TRIM29: variants seen among roughly 807,000 people sequenced by gnomAD.
The protein encoded by TRIM29 is tripartite motif-containing protein 29.
A neutral mutation model predicts 57.3 loss-of-function variants in TRIM29; 52 were observed. That is an observed-to-expected ratio of 0.91 (90% CI 0.73 to 1.14). TRIM29 has a LOEUF of 1.14. TRIM29 is among the 50% of genes most tolerant of loss of function. The pLI is 0.00. For synonymous variants in TRIM29, 319 were observed against 316.9 expected, an observed-to-expected ratio of 1.01 and a Z score of -0.07; for missense variants, 753 against 774.6, an observed-to-expected ratio of 0.97 and a Z score of 0.33.
Position 120,120,637 on chromosome 11 carries a change from C to T in TRIM29, c.1464G>A (p.Ser488=), listed in dbSNP as rs1345739454. ...TCTCCTTGGTGAAGCGGCCAGGAGA[C>T]GAGGGCTGGTATGATGTCCGGACCC... The part of the protein sequence containing the change: ...KGGVRTSYQP[S]SPGRFTKETT... The change falls in exon 6 of 9, where the codon TCG becomes TCA. Residue 488 remains serine (S), a synonymous_variant. Transcript: ENST00000341846. 3.1e-6 allele frequency: 5 copies of T among 1,613,768 alleles called. No homozygotes were observed. Among genetic ancestry groups the T allele is most frequent in the African/African-American group, 1.3e-5 (1 of 74,924 alleles).
intron 4 of TRIM29, chr11:120,125,462 C>T (rs2135010067): frequency 7.3e-6 from 4 of 549,154 alleles, no homozygotes; most frequent in Admixed American, 3.1e-5. Context: ...CCAGGATGTC[C>T]CTGCTCTGGA....
Position 120,137,587 on chromosome 11 carries a change from G to C in TRIM29, c.445C>G (p.Arg149Gly), listed in dbSNP as rs1270148702. The change falls in exon 1 of 9, where the codon CGG (arginine) becomes GGG (glycine). Residue 149 changes from arginine (R) to glycine (G), a missense_variant. Arg to Gly is a moderately radical substitution (Grantham distance 125, BLOSUM62 -2). Coordinates refer to ENST00000341846, the MANE Select transcript of TRIM29 (RefSeq NM_012101.4). The surrounding 1 kb of genome is among the most constrained non-coding windows in gnomAD (Gnocchi z 6.2). ...TVSIMEPGET[R>G]RNSYPRADTG... ...TCGGCCCGGGGGTAGCTGTTCCGCC[G>C]GGTCTCCCCGGGCTCCATGATGGAC... 6.2e-7 allele frequency: 1 copy of C among 1,612,848 alleles called. No homozygotes were observed.
At chr11:120,113,730 C>A (rs1863196801) in intron 8 of TRIM29, 1 of 455,706 alleles carries the variant, frequency 2.2e-6, no homozygotes, top group African/African-American at 2.0e-5. Context: ...AGAGCCTGGA[C>A]CAGGTCTCCT....
At chr11:120,125,920 C>T in intron 3 of TRIM29, 31 bp from the exon 4 acceptor site, 2 of 1,603,396 alleles carry the variant, frequency 1.2e-6, no homozygotes, top group Non-Finnish European at 1.7e-6. Context: ...CATTAACTGC[C>T]TGGGTCTTCA....
Position 120,137,364 on chromosome 11 carries a change from C to T in TRIM29, c.668G>A (p.Arg223His). The change falls in exon 1 of 9, where the codon CGC becomes CAC. Residue 223 changes from arginine (R) to histidine (H), a missense_variant. Coordinates refer to ENST00000341846, the MANE Select transcript of TRIM29 (RefSeq NM_012101.4). This position sits in a 1 kb window ranked among gnomAD's most constrained non-coding sequence, Gnocchi z 6.2. ...LLEPIRDFEARKCPVHGKTME... is the reference protein window; with the variant it reads ...LLEPIRDFEAHKCPVHGKTME... ...CGTCTTGCCATGCACGGGACACTTG[C>T]GGGCCTCAAAGTCCCGGATGGGCTC... 1 of 1,613,742 alleles carries T rather than the reference C, an allele frequency of 6.2e-7. No individual in the cohort carries two copies. Among genetic ancestry groups the T allele is most frequent in the Non-Finnish European group, 8.5e-7 (1 of 1,180,026 alleles).
At chr11:120,125,614 C>A (rs1863567583) in intron 4 of TRIM29, 77 bp downstream of exon 4, 1 of 1,526,262 alleles carries the variant, frequency 6.6e-7, no homozygotes, top group Non-Finnish European at 9.0e-7. Context: ...TGGAGGCCAG[C>A]CCATGTCAGG....
rs2134989476 is a variant in TRIM29, at chr11:120,118,379, G to A, written c.1529-58C>T. 4 of 1,377,778 alleles carry A rather than the reference G, an allele frequency of 2.9e-6. No individual in the cohort carries two copies. The South Asian group carries it at 5.2e-5, about 18-fold the overall frequency. 85.3% of individuals were successfully genotyped at this position (1,377,778 alleles called of 1,614,324 possible). The stretch of plus-strand genomic sequence containing the variant: ...ACAGCTGGGAGTGGGAGAGGAGGCA[G>A]GACCAGGACACAGCCAGGTCTATGA... On this transcript the variant is annotated intron_variant, in intron 6 of 8. Coordinates refer to ENST00000341846, the MANE Select transcript of TRIM29 (RefSeq NM_012101.4).
At chr11:120,121,602 G>A (rs1044639244) in intron 5 of TRIM29, 3 of 172,058 alleles carry the variant, frequency 1.7e-5, no homozygotes, top group Admixed American at 1.1e-4. Context: ...GCAGAGCTGG[G>A]AAGTCTCCCA....
intron 7 of TRIM29, chr11:120,117,854 G>A: frequency 3.7e-6 from 1 of 269,942 alleles, no homozygotes; most frequent in South Asian, 3.9e-5. Flanking sequence ...CAGGACCCTA[G>A]AGCCAGCCAA....
chr11:120,112,337 C>T lies in TRIM29; in HGVS notation c.*77G>A, dbSNP rs1289478485. On this transcript the variant is annotated 3_prime_UTR_variant, in exon 9 of 9. Coordinates refer to ENST00000341846, the MANE Select transcript of TRIM29 (RefSeq NM_012101.4). ...AGGCTCCCTCCCACCCAGACAAGCA[C>T]AGTAGCTTAGAAGGCAAGAGCAGCA... 12 of 1,570,108 alleles carry T rather than the reference C, an allele frequency of 7.6e-6. No individual in the cohort carries two copies. Among genetic ancestry groups the T allele is most frequent in the Non-Finnish European group, 9.6e-6 (11 of 1,142,842 alleles).
chr11:120,128,662 G>C (rs1415414178), intron 1 of TRIM29, 167 bp from the exon 2 acceptor site: 2 of 1,531,650 alleles, frequency 1.3e-6, no homozygotes, highest in African/African-American at 1.4e-5. Context: ...GATATGCCAG[G>C]CACCATGCCA....
intron 6 of TRIM29, among the ~76,000 whole-genome samples, chr11:120,120,181 TG>T (rs1032742679): frequency 1.2e-4 from 6 of 49,122 alleles, no homozygotes; most frequent in African/African-American, 2.0e-4. Flanking sequence ...GTGGGGGGGG[TG>T]GCGCATTCCC....
At chr11:120,123,335 T>C in intron 4 of TRIM29, 1 of 623,872 alleles carries the variant, frequency 1.6e-6, no homozygotes, top group South Asian at 1.5e-5. Context: ...CACTTCACCT[T>C]TACAAGGTGC....
intron 5 of TRIM29, 169 bp from the exon 6 acceptor site, chr11:120,120,834 G>T: frequency 1.4e-6 from 1 of 701,380 alleles, no homozygotes; most frequent in Non-Finnish European, 2.6e-6. Flanking sequence ...AAATTGGCAT[G>T]CTTTTGAGAG....
intron 6 of TRIM29, among the ~76,000 whole-genome samples, chr11:120,120,333 C>G (rs1286669045): frequency 2.1e-5 from 3 of 139,688 alleles, no homozygotes; most frequent in African/African-American, 8.1e-5. Flanking sequence ...TAATGGTGTC[C>G]CCCACACATG....
At chr11:120,132,916 T>G (rs1392453638) in intron 1 of TRIM29, among the ~76,000 whole-genome samples, 1 of 150,958 alleles carries the variant, frequency 6.6e-6, no homozygotes, top group Non-Finnish European at 1.5e-5. Context: ...AGGGGTGAGA[T>G]GGGGCAAGGA....
intron 1 of TRIM29, chr11:120,128,809 C>G: frequency 6.5e-7 from 1 of 1,528,872 alleles, no homozygotes; most frequent in Non-Finnish European, 8.8e-7. Flanking sequence ...AGGAGGGAAA[C>G]TCATTTACAG....
At position 120,137,601 on chromosome 11, in the gene TRIM29, T is replaced by C; in HGVS notation, c.431A>G (p.Glu144Gly). The C allele has an allele frequency of 1.2e-6, 2 of 1,613,292 alleles. No individual in the cohort carries two copies. Among genetic ancestry groups the C allele is most frequent in the Non-Finnish European group, 1.7e-6 (2 of 1,179,922 alleles). The change falls in exon 1 of 9, where the codon GAG becomes GGG. Residue 144 changes from glutamate (E) to glycine (G), a missense_variant. By Grantham distance (98) the Glu-to-Gly change is moderately conservative. Coordinates refer to ENST00000341846, the MANE Select transcript of TRIM29 (RefSeq NM_012101.4). This position sits in a 1 kb window ranked among gnomAD's most constrained non-coding sequence, Gnocchi z 6.2. Reference protein sequence around the residue: ...ESRKPTVSIMEPGETRRNSYP... With the variant: ...ESRKPTVSIMGPGETRRNSYP... ...GCTGTTCCGCCGGGTCTCCCCGGGC[T>C]CCATGATGGACACCGTGGGCTTCCG...
chr11:120,121,993 C>T (rs778877207), intron 5 of TRIM29: 2 of 452,068 alleles, frequency 4.4e-6, no homozygotes, highest in South Asian at 3.1e-5. Context: ...GCCTGGCCCA[C>T]ACCAGGAATG....
Sources: gnomAD v4.1 joint callset for allele counts (sites outside exome capture counted in the v4.1 genomes callset) on GRCh38, gnomAD v4.1.1 for gene constraint, Gnocchi (gnomAD v3.1) non-coding constraint, MANE v1.5 for transcripts, NCBI Gene and HGNC (gene_info 2026-07-23, HGNC 2026-07-21) for gene names.